The following MACROD2 variants were observed in gnomAD, a reference collection of about 807,000 sequenced individuals.
MACROD2 encodes mono-ADP ribosylhydrolase 2.
MACROD2 carries 36 observed loss-of-function variants against 70.4 expected under a neutral mutation model. The observed-to-expected ratio is 0.51, with a 90% CI of 0.39 to 0.68. The LOEUF is 0.68. Among genes scored for constraint, MACROD2 ranks in the 30% least tolerant of loss-of-function variants. MACROD2 has a pLI of 0.00. For missense variants in MACROD2, 496 were observed against 538.4 expected (o/e 0.92, Z 0.78); for synonymous variants, 172 against 178.8 (o/e 0.96, Z 0.30).
intron 8 of MACROD2, among the ~76,000 whole-genome samples, chr20:15,693,880 C>A (rs2050330264): frequency 7.0e-6 from 1 of 142,024 alleles, no homozygotes; most frequent in South Asian, 2.6e-4. Flanking sequence ...CTCTCTTCCC[C>A]CCGAGTCCCC....
chr20:14,439,717 G>T (rs1424587248), intron 3 of MACROD2, among the ~76,000 whole-genome samples: 1 of 152,130 alleles, frequency 6.6e-6, no homozygotes, highest in African/African-American at 2.4e-5. Flanking sequence ...CAGTTGTGAG[G>T]ATTGAATGAG....
chr20:15,257,262 A>G (rs957893304), intron 6 of MACROD2, among the ~76,000 whole-genome samples: 1 of 152,014 alleles, frequency 6.6e-6, no homozygotes, highest in African/African-American at 2.4e-5. Flanking sequence ...AATAAATCCT[A>G]TTTAGTCACA....
At chr20:16,039,199 A>G (rs977017019) in intron 15 of MACROD2, among the ~76,000 whole-genome samples, 5 of 151,998 alleles carry the variant, frequency 3.3e-5, no homozygotes, top group African/African-American at 1.2e-4. Flanking sequence ...TAATATGTTC[A>G]GTGTTTCTAG....
intron 3 of MACROD2, among the ~76,000 whole-genome samples, chr20:14,355,926 G>A (rs2083168092): frequency 6.6e-6 from 1 of 152,136 alleles, no homozygotes; most frequent in African/African-American, 2.4e-5. Context: ...ACATTTGGTA[G>A]TGTGTCTTTC....
At chr20:15,298,641 AACTT>A (rs1165100072) in intron 6 of MACROD2, among the ~76,000 whole-genome samples, 4 of 152,206 alleles carry the variant, frequency 2.6e-5, no homozygotes, top group African/African-American at 9.6e-5. Context: ...TATTTTTAGT[AACTT>A]ACTTTTTAAA....
At chr20:15,825,744 G>C (rs1258428626) in intron 8 of MACROD2, among the ~76,000 whole-genome samples, 3 of 152,122 alleles carry the variant, frequency 2.0e-5, no homozygotes, top group Non-Finnish European at 4.4e-5. Flanking sequence ...CTGATTTTCT[G>C]AGGATTAGCT....
chr20:16,050,259 A>G lies in MACROD2; in HGVS notation c.*383A>G, dbSNP rs1490967268. 3.0e-5 allele frequency: 5 copies of G among 166,008 alleles called. No homozygotes were observed. Among genetic ancestry groups the G allele is most frequent in the Non-Finnish European group, 6.5e-5 (5 of 77,098 alleles). 10.3% of individuals were successfully genotyped at this position (166,008 alleles called of 1,614,324 possible). On this transcript the variant is annotated 3_prime_UTR_variant, in exon 18 of 18. Transcript: ENST00000684519. ...AGCTGGTCACACAGTGGTTTATTCA[A>G]AGGAAGGGGAGGAAGACAGTGGTTT...
chr20:15,989,470 T>C (rs1248879507), intron 15 of MACROD2, among the ~76,000 whole-genome samples: 1 of 152,208 alleles, frequency 6.6e-6, no homozygotes, highest in Non-Finnish European at 1.5e-5. Context: ...AGTATCTCAA[T>C]CTTCCATTTG....
At chr20:15,362,161 A>G (rs1002995211) in intron 6 of MACROD2, among the ~76,000 whole-genome samples, 10 of 151,906 alleles carry the variant, frequency 6.6e-5, no homozygotes, top group Non-Finnish European at 2.9e-5. Flanking sequence ...ACAGGCGCAC[A>G]CCACCACACC....
At chr20:15,082,583 A>G (rs1200084819) in intron 5 of MACROD2, among the ~76,000 whole-genome samples, 3 of 147,422 alleles carry the variant, frequency 2.0e-5, no homozygotes, top group African/African-American at 7.6e-5. Flanking sequence ...GAAATCATAG[A>G]AACATATTTG....
chr20:15,439,281 A>G (rs2046465562), intron 7 of MACROD2, among the ~76,000 whole-genome samples: 1 of 152,120 alleles, frequency 6.6e-6, no homozygotes, highest in Non-Finnish European at 1.5e-5. Context: ...AGTTACCTTC[A>G]CTTTTAGATT....
intron 3 of MACROD2, among the ~76,000 whole-genome samples, chr20:14,464,484 A>G (rs983893355): frequency 1.3e-5 from 2 of 151,994 alleles, no homozygotes; most frequent in African/African-American, 4.8e-5. Flanking sequence ...TCAAAAAACC[A>G]GCTCCTGGAT....
intron 5 of MACROD2, among the ~76,000 whole-genome samples, chr20:14,892,288 A>G (rs938088261): frequency 6.6e-6 from 1 of 152,124 alleles, no homozygotes; most frequent in Non-Finnish European, 1.5e-5. Flanking sequence ...TCTGGCCAAC[A>G]TGGTGAAACC....
rs551329738 is a variant in MACROD2, at chr20:14,734,580, A to G, written c.418+49621A>G. Among the ~76,000 whole-genome samples, 6 of 151,232 alleles carry G rather than the reference A, an allele frequency of 4.0e-5. No homozygotes were observed. The South Asian group carries it at 8.4e-4, about 21-fold the overall frequency. On this transcript the variant is annotated intron_variant, in intron 5 of 17. Coordinates refer to ENST00000684519, the MANE Select transcript of MACROD2 (RefSeq NM_001351661.2). ...AAACAACCAATAACAGGAAGGTACT[A>G]ACAACTACCAGAGCCTTGTTATGTC... is the stretch of plus-strand genomic sequence containing the variant.
intron 3 of MACROD2, among the ~76,000 whole-genome samples, chr20:14,270,729 G>A (rs1369628873): frequency 6.6e-6 from 1 of 152,132 alleles, no homozygotes; most frequent in Non-Finnish European, 1.5e-5. Context: ...GAGCCAAGAT[G>A]GCCGAATAGG....
intron 5 of MACROD2, among the ~76,000 whole-genome samples, chr20:14,825,317 G>A (rs2072889312): frequency 6.6e-6 from 1 of 152,048 alleles, no homozygotes; most frequent in South Asian, 2.1e-4. Context: ...GGTCCTTTGT[G>A]CTCTGCCCCA....
At chr20:15,071,549 ACACT>A (rs2075619435) in intron 5 of MACROD2, among the ~76,000 whole-genome samples, 1 of 152,214 alleles carries the variant, frequency 6.6e-6, no homozygotes, top group Admixed American at 6.5e-5. Flanking sequence ...CAAGTATTTC[ACACT>A]CAGTACTTTT....
At chr20:14,720,525 C>T (rs2071452554) in intron 5 of MACROD2, among the ~76,000 whole-genome samples, 1 of 113,028 alleles carries the variant, frequency 8.8e-6, no homozygotes, top group Non-Finnish European at 1.9e-5. Context: ...CATTTCCCAG[C>T]TGCCCCACAA....
chr20:15,090,425 AG>A (rs2075784489), intron 5 of MACROD2, among the ~76,000 whole-genome samples: 1 of 152,094 alleles, frequency 6.6e-6, no homozygotes, highest in East Asian at 1.9e-4. Context: ...TTGTTTGCCC[AG>A]AGCCTATGTT....
Sources: gnomAD v4.1 joint callset for allele counts (sites outside exome capture counted in the v4.1 genomes callset) on GRCh38, gnomAD v4.1.1 for gene constraint, MANE v1.5 for transcripts, NCBI Gene and HGNC (gene_info 2026-07-23, HGNC 2026-07-21) for gene names.